NCAM2: variants seen among roughly 807,000 people sequenced by gnomAD.
The protein encoded by NCAM2 is neural cell adhesion molecule 2.
A neutral mutation model predicts 98.1 loss-of-function variants in NCAM2; 30 were observed. The ratio of observed to expected loss-of-function variants is 0.31; its 90% CI spans 0.23 to 0.41. The LOEUF is 0.41. Among genes scored for constraint, NCAM2 ranks in the 10% least tolerant of loss-of-function variants. The pLI is 1.00. For synonymous variants in NCAM2, 368 were observed against 342.4 expected (o/e 1.07, Z -0.83); for missense variants, 867 against 1,005.8 (o/e 0.86, Z 1.87).
At chr21:21,116,629 T>C (rs2776099) in intron 1 of NCAM2, among the ~76,000 whole-genome samples, 147,694 of 152,206 alleles carry the variant, frequency 0.97, 71,796 homozygotes, top group East Asian at 1. Flanking sequence ...CCGAGGCAGG[T>C]GGATCACGAG....
chr21:21,016,135 G>A (rs1355133050), intron 1 of NCAM2, among the ~76,000 whole-genome samples: 1 of 152,122 alleles, frequency 6.6e-6, no homozygotes, highest in African/African-American at 2.4e-5. Flanking sequence ...AATTGGTGGT[G>A]AGGAGAATGA....
chr21:21,277,547 G>A (rs2072774800), intron 1 of NCAM2, among the ~76,000 whole-genome samples: 1 of 152,082 alleles, frequency 6.6e-6, no homozygotes, highest in Non-Finnish European at 1.5e-5. Context: ...TTGGGCAAAT[G>A]CACAATGGTA....
At chr21:21,315,314 TCCTAAA>T in intron 5 of NCAM2, among the ~76,000 whole-genome samples, 1 of 152,182 alleles carries the variant, frequency 6.6e-6, no homozygotes, top group Admixed American at 6.5e-5. Context: ...GCTCAAGATT[TCCTAAA>T]GAACTTGCTG....
chr21:21,302,108 G>C (rs1047117187), intron 5 of NCAM2, among the ~76,000 whole-genome samples: 26 of 150,100 alleles, frequency 1.7e-4, no homozygotes, highest in Admixed American at 2.7e-4. Flanking sequence ...CATCCCATTA[G>C]TGGGTATATA....
At chr21:21,474,993 A>G (rs991159713) in intron 14 of NCAM2, among the ~76,000 whole-genome samples, 1 of 150,068 alleles carries the variant, frequency 6.7e-6, no homozygotes, top group Admixed American at 6.7e-5. Flanking sequence ...TATATAACAC[A>G]TATATAATAC....
chr21:21,084,585 G>T (rs985674374), intron 1 of NCAM2, among the ~76,000 whole-genome samples: 24 of 152,110 alleles, frequency 1.6e-4, no homozygotes, highest in Non-Finnish European at 2.8e-4. Context: ...TGATGTTTAA[G>T]TTTCTTCCAA....
chr21:21,037,704 A>T (rs1345505304), intron 1 of NCAM2, among the ~76,000 whole-genome samples: 1 of 152,198 alleles, frequency 6.6e-6, no homozygotes, highest in Non-Finnish European at 1.5e-5. Flanking sequence ...TATTACTGGA[A>T]TTTGGATTTT....
chr21:21,063,719 AC>A (rs1173248526), intron 1 of NCAM2, among the ~76,000 whole-genome samples: 35 of 152,334 alleles, frequency 2.3e-4, no homozygotes, highest in African/African-American at 6.7e-4. Context: ...AATATTTAAT[AC>A]ACTAATATCA....
intron 1 of NCAM2, among the ~76,000 whole-genome samples, chr21:21,211,351 A>AT (rs530348279): frequency 3.2e-4 from 49 of 152,170 alleles, no homozygotes; most frequent in Non-Finnish European, 6.5e-4. Context: ...CACATACTTT[A>AT]TTTAATCCTT....
At chr21:21,529,729 A>G (rs952011965) in intron 16 of NCAM2, among the ~76,000 whole-genome samples, 2 of 151,760 alleles carry the variant, frequency 1.3e-5, no homozygotes, top group African/African-American at 2.4e-5. Context: ...ATGGACATTT[A>G]CTGTCTTTAA....
chr21:21,032,822 C>A (rs2064713522), intron 1 of NCAM2, among the ~76,000 whole-genome samples: 1 of 152,062 alleles, frequency 6.6e-6, no homozygotes, highest in Non-Finnish European at 1.5e-5. Flanking sequence ...TTTTGTGTGA[C>A]CTGAATCCCT....
At chr21:21,048,320 C>T (rs2065038768) in intron 1 of NCAM2, among the ~76,000 whole-genome samples, 1 of 152,094 alleles carries the variant, frequency 6.6e-6, no homozygotes, top group Non-Finnish European at 1.5e-5. Flanking sequence ...CTGGAAGACC[C>T]CCTTTAAGTT....
chr21:21,010,266 A>G (rs151304902), intron 1 of NCAM2, among the ~76,000 whole-genome samples: 1 of 150,504 alleles, frequency 6.6e-6, no homozygotes, highest in African/African-American at 2.4e-5. Flanking sequence ...TGTGGATTGC[A>G]GGTGGTTTGC....
chr21:21,379,795 G>A (rs1233492809), intron 9 of NCAM2, among the ~76,000 whole-genome samples: 1 of 151,402 alleles, frequency 6.6e-6, no homozygotes, highest in East Asian at 1.9e-4. Flanking sequence ...TTCCTTAGAG[G>A]GACAGAATAA....
intron 15 of NCAM2, among the ~76,000 whole-genome samples, chr21:21,494,870 A>T (rs1987106705): frequency 6.7e-6 from 1 of 149,126 alleles, no homozygotes; most frequent in African/African-American, 2.5e-5. Flanking sequence ...GATATTTATC[A>T]CAAAAGAGCT....
intron 1 of NCAM2, among the ~76,000 whole-genome samples, chr21:21,005,715 T>A (rs1471036943): frequency 6.6e-6 from 1 of 151,990 alleles, no homozygotes; most frequent in Non-Finnish European, 1.5e-5. Flanking sequence ...TATATATTCT[T>A]CATTTAAGTC....
chr21:21,272,351 T>C (rs1256264018), intron 1 of NCAM2, among the ~76,000 whole-genome samples: 3 of 152,182 alleles, frequency 2.0e-5, no homozygotes, highest in African/African-American at 7.2e-5. Flanking sequence ...TGAGTAGCAA[T>C]GGTTAGCATC....
chr21:21,409,133 T>A (rs1452085400), intron 9 of NCAM2, among the ~76,000 whole-genome samples: 2 of 152,122 alleles, frequency 1.3e-5, no homozygotes, highest in African/African-American at 4.8e-5. Flanking sequence ...TATGCTTTCA[T>A]GTAAAAATAA....
At chr21:21,186,020 T>C (rs2068630942) in intron 1 of NCAM2, among the ~76,000 whole-genome samples, 1 of 152,190 alleles carries the variant, frequency 6.6e-6, no homozygotes, top group Admixed American at 6.5e-5. Context: ...GATGCGGTTC[T>C]CTTTCTTGAC....
Sources: allele counts gnomAD v4.1 joint callset (sites outside exome capture counted in the v4.1 genomes callset), GRCh38; gene constraint gnomAD v4.1.1; transcripts MANE v1.5; gene names NCBI Gene and HGNC (gene_info 2026-07-23, HGNC 2026-07-21).